Variants in UBN1 observed in about 807,000 individuals in gnomAD.
The protein encoded by UBN1 is ubinuclein-1.
Under a neutral mutation model 108.5 loss-of-function variants are expected in UBN1, and 17 were observed. That is an observed-to-expected ratio of 0.16 (90% CI 0.11 to 0.24). The LOEUF (loss-of-function observed/expected upper bound fraction) is 0.24, where lower values mean the gene tolerates loss of function less well. UBN1 is among the 10% of genes least tolerant of loss of function. The pLI, the probability that UBN1 is intolerant of heterozygous loss-of-function variation, is 1.00. For missense variants in UBN1, 1,595 were observed against 1,394.4 expected, an observed-to-expected ratio of 1.14 and a Z score of -2.29; for synonymous variants, 726 against 564.2, an observed-to-expected ratio of 1.29 and a Z score of -4.07.
chr16:4,870,221 G>T lies in UBN1; in HGVS notation c.1191G>T (p.Ala397=), dbSNP rs372644230. 2 of 1,614,118 alleles carry T rather than the reference G, an allele frequency of 1.2e-6. No individual in the cohort carries two copies. Among genetic ancestry groups the T allele is most frequent in the Admixed American group, 1.7e-5 (1 of 60,014 alleles). Residue 397 remains alanine, a synonymous_variant, in exon 9 of 18, where the codon GCG becomes GCT. Transcript: ENST00000262376. ...GTGTTTTGTTCTTCAGCATAGAGGC[G>T]CAGACTCGGGAGCTGAGCAGTCAGG... ...DINGILLDIE[A]QTRELSSQVR...
chr16:4,875,050 T>C lies in UBN1; in HGVS notation c.2640T>C (p.Ser880=), dbSNP rs1342492316. The C allele has an allele frequency of 6.2e-7, 1 of 1,613,924 alleles. No homozygotes were observed. Among genetic ancestry groups the C allele is most frequent in the Non-Finnish European group, 8.5e-7 (1 of 1,180,048 alleles). Residue 880 remains serine (S), a synonymous_variant, in exon 15 of 18, where the codon TCT becomes TCC. Coordinates refer to ENST00000262376, the MANE Select transcript of UBN1 (RefSeq NM_001079514.3). ...SSSHKTPASS[S]SALSHPAKPH... ...CTCACAAGACCCCAGCCTCGTCCTC[T>C]TCTGCCCTGAGCCATCCAGCAAAGC...
rs896881072 is a variant in UBN1, at chr16:4,880,923, C to T, written c.*791C>T. On this transcript the variant is annotated 3_prime_UTR_variant, in exon 18 of 18. Transcript: ENST00000262376. ...AATTCGACAACACATGTCCATTCAGCCCTCTGAATGGATCTGAGACGAAGA... is the reference window on the plus strand; with the variant it reads ...AATTCGACAACACATGTCCATTCAGTCCTCTGAATGGATCTGAGACGAAGA... The T allele has an allele frequency of 2.0e-5, 3 of 152,556 alleles. No homozygotes were observed. The East Asian group carries it at 5.8e-4, about 29-fold the overall frequency. 9.5% of individuals were successfully genotyped at this position (152,556 alleles called of 1,614,324 possible).
chr16:4,877,014 C>T lies in UBN1; in HGVS notation c.3168C>T (p.Leu1056=), dbSNP rs746571350. The change falls in exon 16 of 18, where the codon CTC becomes CTT. Residue 1056 remains leucine, a synonymous_variant. Coordinates refer to ENST00000262376, the MANE Select transcript of UBN1 (RefSeq NM_001079514.3). The surrounding 1 kb of genome is among the most constrained non-coding windows in gnomAD (Gnocchi z 4.3). Reference sequence around the variant, plus strand: ...CTGTCCCTATTCCTGTCCATGTGCTCTCCTTCAGCGCTGACTCCTCTGCCA... The same window carrying T: ...CTGTCCCTATTCCTGTCCATGTGCTTTCCTTCAGCGCTGACTCCTCTGCCA... ...ITPVPIPVHV[L]SFSADSSAKA... 11 of 1,614,130 alleles carry T rather than the reference C, an allele frequency of 6.8e-6. No homozygotes were observed. Among genetic ancestry groups the T allele is most frequent in the African/African-American group, 1.3e-5 (1 of 74,940 alleles).
At chr16:4,878,661 C>T (rs1368630401) in intron 17 of UBN1, among the ~76,000 whole-genome samples, 1 of 152,160 alleles carries the variant, frequency 6.6e-6, no homozygotes, top group African/African-American at 2.4e-5. Context: ...AGGGGTCTTT[C>T]CAAAGTCAGG....
chr16:4,865,691 G>C (rs986630526), intron 7 of UBN1, among the ~76,000 whole-genome samples: 1 of 104,018 alleles, frequency 9.6e-6, no homozygotes, highest in African/African-American at 4.7e-5. Flanking sequence ...GCTGGGCATG[G>C]TGGCTCAGCC....
intron 7 of UBN1, among the ~76,000 whole-genome samples, chr16:4,861,420 G>A (rs2087056274): frequency 6.6e-6 from 1 of 152,200 alleles, no homozygotes; most frequent in Non-Finnish European, 1.5e-5. Context: ...GATGATGTTG[G>A]CAGCAGGCAG....
chr16:4,851,672 TAGCC>T (rs1331011944), intron 1 of UBN1, among the ~76,000 whole-genome samples: 1 of 151,900 alleles, frequency 6.6e-6, no homozygotes, highest in Non-Finnish European at 1.5e-5. Context: ...TAGAAAAAAT[TAGCC>T]AGGCATGGTG....
At chr16:4,872,380 G>A (rs1596519196) in intron 12 of UBN1, 1 of 982,724 alleles carries the variant, frequency 1.0e-6, no homozygotes, top group Non-Finnish European at 1.2e-6. Context: ...CAGCCTTTGG[G>A]CAGCCAGTGT....
Position 4,860,883 on chromosome 16 carries a change from T to G in UBN1, c.891T>G (p.Ser297=). 6.2e-7 allele frequency: 1 copy of G among 1,614,266 alleles called. No homozygotes were observed. The highest frequency in any genetic ancestry group is 2.2e-5 in the East Asian group (1 of 44,888). Residue 297 remains serine, a synonymous_variant, in exon 7 of 18, where the codon TCT becomes TCG. Transcript: ENST00000262376. ...DPLLSLFGST[S]DNDLLQAATA... is the part of the protein sequence containing the mutation. ...TGCTCTCACTCTTTGGCTCTACTTC[T>G]GACAACGACTTGCTCCAGGCGGCCA...
chr16:4,858,807 G>T, intron 4 of UBN1, 144 bp downstream of exon 4: 7 of 966,590 alleles, frequency 7.2e-6, no homozygotes, highest in South Asian at 6.2e-5. Context: ...GAGACGAAAT[G>T]ACATTCTTTA....
rs1427674655 is a variant in UBN1 at position 4,866,714 on chromosome 16, T to C, written c.1111-2119T>C. Among the ~76,000 whole-genome samples, 5 of 152,336 alleles carry C rather than the reference T, an allele frequency of 3.3e-5. No homozygotes were observed. The East Asian group carries it at 5.8e-4, about 18-fold the overall frequency. On this transcript the variant is annotated intron_variant, in intron 7 of 17. Coordinates refer to ENST00000262376, the MANE Select transcript of UBN1 (RefSeq NM_001079514.3). ...TTTTAGTAGAGACAGGGTCTCATCATGTGCCCAAGCTGGTCTGAAACTCCT... is the reference window on the plus strand; with the variant it reads ...TTTTAGTAGAGACAGGGTCTCATCACGTGCCCAAGCTGGTCTGAAACTCCT...
At chr16:4,858,280 C>T (rs1033555778) in intron 3 of UBN1, among the ~76,000 whole-genome samples, 3 of 152,172 alleles carry the variant, frequency 2.0e-5, no homozygotes, top group South Asian at 4.1e-4. Flanking sequence ...GCTAACTGGA[C>T]AAATAACCGA....
At position 4,852,927 on chromosome 16, in the gene UBN1, C is replaced by T; in HGVS notation, c.10C>T (p.Pro4Ser). MSEPHRVQFTSLPG... is the reference protein window; with the variant it reads MSESHRVQFTSLPG... ...AGACTTGTTGGTAGCCATGTCGGAG[C>T]CCCACAGGGTCCAGTTCACCTCTCT... Residue 4 changes from proline to serine, a missense_variant, in exon 2 of 18, where the codon CCC (proline) becomes TCC (serine). This residue lies in a region of UBN1 where 181 missense variants were observed against 157.3 expected (regional missense o/e 1.15). Transcript: ENST00000262376. The T allele has an allele frequency of 6.2e-7, 1 of 1,613,426 alleles. No individual in the cohort carries two copies. The highest frequency in any genetic ancestry group is 8.5e-7 in the Non-Finnish European group (1 of 1,179,522).
Position 4,858,081 on chromosome 16 carries a change from GA to G in UBN1, c.336+6del. 4 of 1,599,308 alleles carry G rather than the reference GA, an allele frequency of 2.5e-6. No homozygotes were observed. The highest frequency in any genetic ancestry group is 3.4e-6 in the Non-Finnish European group (4 of 1,167,882). The stretch of plus-strand genomic sequence containing the variant: ...CGAAAATTTGAAGAAAAATACGTAA[GA>G]TTTCTCTCTTGAATAACAAAACAAC... On this transcript the variant is annotated splice_donor_region_variant and intron_variant, in intron 3 of 17. Coordinates refer to ENST00000262376, the MANE Select transcript of UBN1 (RefSeq NM_001079514.3).
At chr16:4,858,760 C>A in intron 4 of UBN1, 97 bp downstream of exon 4, 2 of 1,208,996 alleles carry the variant, frequency 1.7e-6, no homozygotes, top group Non-Finnish European at 2.4e-6. Context: ...AGCAGTCGTG[C>A]CCTCTTCCCA....
Position 4,847,495 on chromosome 16 carries a change from C to T in UBN1, c.-755C>T, listed in dbSNP as rs1340502448. On this transcript the variant is annotated 5_prime_UTR_variant, in exon 1 of 18. Coordinates refer to ENST00000262376, the MANE Select transcript of UBN1 (RefSeq NM_001079514.3). Reference sequence around the variant, plus strand: ...CAGAGACTCCCGGCTCCTTCCCCCTCCCTTCGGCTCGTGACAACGAAGCGC... The same window carrying T: ...CAGAGACTCCCGGCTCCTTCCCCCTTCCTTCGGCTCGTGACAACGAAGCGC... 3 of 561,536 alleles carry T rather than the reference C, an allele frequency of 5.3e-6. No homozygotes were observed. Among genetic ancestry groups the T allele is most frequent in the Non-Finnish European group, 8.9e-6 (3 of 335,552 alleles). 34.8% of individuals were successfully genotyped at this position (561,536 alleles called of 1,614,324 possible). A position where few individuals can be genotyped will look rare whatever the true frequency, so the allele number is the denominator to read the frequency against.
At chr16:4,880,002 C>T in intron 17 of UBN1, 81 bp from the exon 18 acceptor site, 2 of 1,503,892 alleles carry the variant, frequency 1.3e-6, no homozygotes, top group South Asian at 1.1e-5. Context: ...AGGTGTCTCC[C>T]TTGAAGTTTG....
At position 4,870,615 on chromosome 16, in the gene UBN1, A is replaced by G. The variant is rs2087581491; in HGVS notation, c.1411A>G (p.Thr471Ala). 1 of 1,614,136 alleles carries G rather than the reference A, an allele frequency of 6.2e-7. No homozygotes were observed. Among genetic ancestry groups the G allele is most frequent in the Non-Finnish European group, 8.5e-7 (1 of 1,180,038 alleles). The change falls in exon 10 of 18, where the codon ACG (threonine) becomes GCG (alanine). Residue 471 changes from threonine (T) to alanine (A), a missense_variant. By Grantham distance (58) the Thr-to-Ala change is moderately conservative. Coordinates refer to ENST00000262376, the MANE Select transcript of UBN1 (RefSeq NM_001079514.3). ...AKYQDECQAH[T>A]QAKVAKMLEE... is the part of the protein sequence containing the mutation. ...GTACCAGGACGAATGCCAGGCACAC[A>G]CGCAGGCAAAGGTTGCCAAGTAAGT...
rs1249586087 is a variant in UBN1, at chr16:4,859,906, G to A, written c.609G>A (p.Lys203=). The part of the protein sequence containing the change: ...LKEGGEKIKK[K]KKDDTYDKEK... ...AAGGTGGTGAGAAGATAAAGAAGAA[G>A]AAAAAAGATGACACTTATGACAAGG... is the stretch of plus-strand genomic sequence containing the variant. The change falls in exon 6 of 18, where the codon AAG becomes AAA. Residue 203 remains lysine (K), a synonymous_variant. Coordinates refer to ENST00000262376, the MANE Select transcript of UBN1 (RefSeq NM_001079514.3). 6.2e-7 allele frequency: 1 copy of A among 1,614,102 alleles called. No homozygotes were observed. The highest frequency in any genetic ancestry group is 8.5e-7 in the Non-Finnish European group (1 of 1,180,012).
Sources: gnomAD v4.1 joint callset for allele counts (sites outside exome capture counted in the v4.1 genomes callset) on GRCh38, gnomAD v4.1.1 for gene constraint, gnomAD v4.1.1 regional missense constraint, Gnocchi (gnomAD v3.1) non-coding constraint, MANE v1.5 for transcripts, NCBI Gene and HGNC (gene_info 2026-07-23, HGNC 2026-07-21) for gene names.